Variants in TMEM59L observed in about 807,000 individuals in gnomAD.
The protein encoded by TMEM59L is transmembrane protein 59-like.
TMEM59L carries 31 observed loss-of-function variants against 39.6 expected under a neutral mutation model. The ratio of observed to expected loss-of-function variants is 0.78; its 90% CI spans 0.59 to 1.06. TMEM59L has a LOEUF of 1.06. TMEM59L is among the 50% of genes least tolerant of loss of function. The probability of loss-of-function intolerance (pLI) is 0.00; values close to 1 mark genes in which losing one functional copy is unlikely to be tolerated. For missense variants in TMEM59L, 441 were observed against 451.3 expected (o/e 0.98, Z 0.21); for synonymous variants, 219 against 202.9 (o/e 1.08, Z -0.68).
intron 7 of TMEM59L, among the ~76,000 whole-genome samples, chr19:18,619,673 A>G (rs1976471565): frequency 6.6e-6 from 1 of 151,054 alleles, no homozygotes; most frequent in African/African-American, 2.4e-5. Context: ...GCGTGGTGGC[A>G]GGTGCCTGTA....
At position 18,620,427 on chromosome 19, in the gene TMEM59L, A is replaced by G; in HGVS notation, c.920A>G (p.His307Arg). ...LKFQPLTLEQHKGFMMEPDWP... is the reference protein window; with the variant it reads ...LKFQPLTLEQRKGFMMEPDWP... ...CTGCAGCCTCTGACCCTGGAGCAGC[A>G]CAAGGGCTTCATGATGGAGCCCGAT... is the stretch of plus-strand genomic sequence containing the variant. The change falls in exon 8 of 8, where the codon CAC (histidine) becomes CGC (arginine). Residue 307 changes from histidine to arginine, a missense_variant. Coordinates refer to ENST00000262817, the MANE Select transcript of TMEM59L (RefSeq NM_012109.3). 1 of 1,613,138 alleles carries G rather than the reference A, an allele frequency of 6.2e-7. No homozygotes were observed. Among genetic ancestry groups the G allele is most frequent in the Non-Finnish European group, 8.5e-7 (1 of 1,179,912 alleles).
At chr19:18,613,809 G>A (rs1976396679) in intron 1 of TMEM59L, 63 bp from the exon 2 acceptor site, 3 of 1,330,606 alleles carry the variant, frequency 2.3e-6, no homozygotes, top group South Asian at 2.4e-5. Context: ...TGAATGCTCC[G>A]GTCCCCCCAC....
Position 18,620,463 on chromosome 19 carries a change from A to G in TMEM59L, c.956A>G (p.Tyr319Cys). The G allele has an allele frequency of 6.2e-7, 1 of 1,613,298 alleles. No homozygotes were observed. Among genetic ancestry groups the G allele is most frequent in the East Asian group, 2.2e-5 (1 of 44,842 alleles). The change falls in exon 8 of 8, where the codon TAC (tyrosine) becomes TGC (cysteine). Residue 319 changes from tyrosine (Y) to cysteine (C), a missense_variant. Tyr to Cys is a radical substitution (Grantham distance 194, BLOSUM62 -2). Coordinates refer to ENST00000262817, the MANE Select transcript of TMEM59L (RefSeq NM_012109.3). ...ATGATGGAGCCCGATTGGCCCCTGT[A>G]CCCGCCGCCGTCCCACGCCTGTGAG... is the stretch of plus-strand genomic sequence containing the variant. Reference protein sequence around the residue: ...GFMMEPDWPLYPPPSHACEDS... With the variant: ...GFMMEPDWPLCPPPSHACEDS...
Position 18,613,139 on chromosome 19 carries a change from G to A in TMEM59L, c.171+10G>A. The A allele has an allele frequency of 5.5e-6, 7 of 1,273,396 alleles. No homozygotes were observed. Among genetic ancestry groups the A allele is most frequent in the Non-Finnish European group, 6.9e-6 (7 of 1,012,768 alleles). 78.9% of individuals were successfully genotyped at this position (1,273,396 alleles called of 1,614,324 possible). On this transcript the variant is annotated intron_variant, in intron 1 of 7. Transcript: ENST00000262817. ...CCCGCAGCCCTCGCAGGTGAGGCGC[G>A]TGCGGTGCCAGGTGCCAGCGGGGGA...
rs1255216067 is a variant in TMEM59L, at chr19:18,620,568, GGGGGCCCCTCGGGC to G, written c.*33_*46del. 17 of 1,606,806 alleles carry G rather than the reference GGGGGCCCCTCGGGC, an allele frequency of 1.1e-5. No individual in the cohort carries two copies. Among genetic ancestry groups the G allele is most frequent in the Non-Finnish European group, 1.4e-5 (17 of 1,176,274 alleles). ...ACTGGCCCCATCACTGCCAACTGCAGGGGGCCCCTCGGGCCTCACTTGCCCTGAGCCCAGGAGTC... is the reference window on the plus strand; with the variant it reads ...ACTGGCCCCATCACTGCCAACTGCAGCTCACTTGCCCTGAGCCCAGGAGTC... On this transcript the variant is annotated 3_prime_UTR_variant, in exon 8 of 8. Coordinates refer to ENST00000262817, the MANE Select transcript of TMEM59L (RefSeq NM_012109.3).
rs1345365426 is a variant in TMEM59L at position 18,618,438 on chromosome 19, G to A, written c.846G>A (p.Leu282=). The part of the protein sequence containing the change: ...CCLFLSVLVM[L]WLSCSTLVTA... ...TCTTCCTCTCCGTGCTGGTGATGCTGTGGCTGAGCTGCTCCACCCTGGTGA... is the reference window on the plus strand; with the variant it reads ...TCTTCCTCTCCGTGCTGGTGATGCTATGGCTGAGCTGCTCCACCCTGGTGA... The change falls in exon 7 of 8, where the codon CTG becomes CTA. Residue 282 remains leucine, a synonymous_variant. Transcript: ENST00000262817. 6 of 1,608,266 alleles carry A rather than the reference G, an allele frequency of 3.7e-6. No individual in the cohort carries two copies. Among genetic ancestry groups the A allele is most frequent in the South Asian group, 1.1e-5 (1 of 90,336 alleles).
In TMEM59L at chr19:18,619,076, C is replaced by T. The variant is rs760319448; in HGVS notation, c.900+584C>T. ...GCATGATCACAGCTCACTGCAGCCT[C>T]GGCCTCCCTGGCTCAAGCAATCCTC... On this transcript the variant is annotated intron_variant, in intron 7 of 7. Coordinates refer to ENST00000262817, the MANE Select transcript of TMEM59L (RefSeq NM_012109.3). 7.9e-5 allele frequency among the ~76,000 whole-genome samples: 12 copies of T among 152,086 alleles called. No homozygotes were observed. In the East Asian group the frequency reaches 2.1e-3, roughly 27 times the overall value.
intron 7 of TMEM59L, among the ~76,000 whole-genome samples, chr19:18,619,330 T>C (rs1015754821): frequency 2.6e-5 from 4 of 152,146 alleles, no homozygotes; most frequent in African/African-American, 9.7e-5. Flanking sequence ...GTTTCTTCAC[T>C]GCCCTTTGAA....
intron 7 of TMEM59L, among the ~76,000 whole-genome samples, 167 bp downstream of exon 7, chr19:18,618,659 GTGTGTGTGTGTGTGTA>G (rs1295208925): frequency 8.9e-6 from 1 of 111,798 alleles, no homozygotes; most frequent in Non-Finnish European, 2.0e-5. Flanking sequence ...GTGTGTGTGT[GTGTGTGTGTGTGTGTA>G]TATATATATA....
chr19:18,619,138 C>T (rs981557577), intron 7 of TMEM59L, among the ~76,000 whole-genome samples: 10 of 152,166 alleles, frequency 6.6e-5, no homozygotes, highest in South Asian at 2.1e-4. Flanking sequence ...ACCACAGTCA[C>T]GTGCCACCAT....
intron 5 of TMEM59L, chr19:18,617,518 G>C (rs1600666559): frequency 2.2e-6 from 1 of 460,406 alleles, no homozygotes; most frequent in Admixed American, 2.3e-5. Context: ...CCATCTCCCT[G>C]GGTTCTGTGG....
At chr19:18,620,308 A>G in intron 7 of TMEM59L, 100 bp from the exon 8 acceptor site, 2 of 1,264,454 alleles carry the variant, frequency 1.6e-6, no homozygotes, top group Non-Finnish European at 2.1e-6. Flanking sequence ...TCAAAAAAAG[A>G]AAAAAAATAA....
In TMEM59L at chr19:18,615,964, T is replaced by C. The variant is rs375391351; in HGVS notation, c.409-11T>C. 23 of 1,612,552 alleles carry C rather than the reference T, an allele frequency of 1.4e-5. No homozygotes were observed. Among genetic ancestry groups the C allele is most frequent in the Non-Finnish European group, 1.9e-5 (22 of 1,179,158 alleles). On this transcript the variant is annotated splice_polypyrimidine_tract_variant and intron_variant, in intron 3 of 7. Coordinates refer to ENST00000262817, the MANE Select transcript of TMEM59L (RefSeq NM_012109.3). ...GGTGCCATCTTTGTGTCTTGGACCT[T>C]TTTTCACCAGAGAAAGGTCCTGGAG... is the stretch of plus-strand genomic sequence containing the variant.
At chr19:18,617,457 C>T (rs1037433577) in intron 5 of TMEM59L, 5 of 473,112 alleles carry the variant, frequency 1.1e-5, no homozygotes, top group Non-Finnish European at 2.1e-5. Flanking sequence ...TCCCAGCGTT[C>T]TGTGGTCCAC....
intron 3 of TMEM59L, among the ~76,000 whole-genome samples, 166 bp from the exon 4 acceptor site, chr19:18,615,809 T>C (rs1976420836): frequency 6.6e-6 from 1 of 152,212 alleles, no homozygotes; most frequent in Non-Finnish European, 1.5e-5. Flanking sequence ...GGTTTCACGA[T>C]GTTGTCCAGG....
chr19:18,616,539 G>A (rs1976429950), intron 4 of TMEM59L, among the ~76,000 whole-genome samples: 2 of 151,954 alleles, frequency 1.3e-5, no homozygotes, highest in African/African-American at 2.4e-5. Flanking sequence ...ATTACAGGCG[G>A]CCACCACCAC....
chr19:18,617,454 G>A (rs762565610), intron 5 of TMEM59L: 14 of 474,314 alleles, frequency 3.0e-5, no homozygotes, highest in South Asian at 7.7e-5. Context: ...GCCTCCCAGC[G>A]TTCTGTGGTC....
At chr19:18,618,644 T>C (rs1600667403) in intron 7 of TMEM59L, 152 bp downstream of exon 7, 2 of 476,030 alleles carry the variant, frequency 4.2e-6, no homozygotes, top group East Asian at 6.8e-5. Flanking sequence ...TATATACATA[T>C]ACGTGTGTGT....
At position 18,613,120 on chromosome 19, in the gene TMEM59L, G is replaced by A; in HGVS notation, c.162G>A (p.Gln54=). Residue 54 remains glutamine (Q), a synonymous_variant, in exon 1 of 8, where the codon CAG becomes CAA. Transcript: ENST00000262817. The part of the protein sequence containing the change: ...LRCRDRDLGP[Q]PSQAGLEGAS... ...GCCGCGACCGCGACCTCGGCCCGCA[G>A]CCCTCGCAGGTGAGGCGCGTGCGGT... is the stretch of plus-strand genomic sequence containing the variant. 1 of 1,294,090 alleles carries A rather than the reference G, an allele frequency of 7.7e-7. No homozygotes were observed. Among genetic ancestry groups the A allele is most frequent in the Non-Finnish European group, 9.8e-7 (1 of 1,024,740 alleles). 80.2% of individuals were successfully genotyped at this position (1,294,090 alleles called of 1,614,324 possible). A position where few individuals can be genotyped will look rare whatever the true frequency, so the allele number is the denominator to read the frequency against.
Sources: allele counts gnomAD v4.1 joint callset (sites outside exome capture counted in the v4.1 genomes callset), GRCh38; gene constraint gnomAD v4.1.1; transcripts MANE v1.5; gene names NCBI Gene and HGNC (gene_info 2026-07-23, HGNC 2026-07-21).